The following PTPRD variants were observed in gnomAD, a reference collection of about 807,000 sequenced individuals.
The protein encoded by PTPRD is receptor-type tyrosine-protein phosphatase delta.
A neutral mutation model predicts 214.5 loss-of-function variants in PTPRD; 34 were observed. That is an observed-to-expected ratio of 0.16 (90% CI 0.12 to 0.21). The LOEUF (loss-of-function observed/expected upper bound fraction) is 0.21, where lower values mean the gene tolerates loss of function less well. Ranked by LOEUF, PTPRD falls within the 10% of genes least tolerant of loss-of-function variation. The probability of loss-of-function intolerance (pLI) is 1.00; values close to 1 mark genes in which losing one functional copy is unlikely to be tolerated. For synonymous variants in PTPRD, 1,128 were observed against 845.7 expected (o/e 1.33, Z -5.79); for missense variants, 2,545 against 2,398.7 (o/e 1.06, Z -1.27).
intron 12 of PTPRD, among the ~76,000 whole-genome samples, chr9:8,670,023 T>TA (rs200128078): frequency 0.078 from 11,792 of 151,876 alleles, 560 homozygotes; most frequent in East Asian, 0.18. Flanking sequence ...CTGCCTCTTT[T>TA]TTTTTTTTTA....
intron 8 of PTPRD, among the ~76,000 whole-genome samples, chr9:9,421,716 G>A (rs4358853): frequency 0.81 from 122,432 of 151,990 alleles, 49,445 homozygotes; most frequent in Non-Finnish European, 0.81. Context: ...AAATATTCAT[G>A]CAATACAGTC....
chr9:9,104,637 A>G (rs1488982105), intron 10 of PTPRD, among the ~76,000 whole-genome samples: 1 of 152,216 alleles, frequency 6.6e-6, no homozygotes, highest in East Asian at 1.9e-4. Flanking sequence ...CTCATGAAAC[A>G]GGAGCTTAAA....
chr9:10,545,653 G>C (rs1566857320), intron 2 of PTPRD, among the ~76,000 whole-genome samples: 1 of 152,086 alleles, frequency 6.6e-6, no homozygotes, highest in African/African-American at 2.4e-5. Context: ...GCACAAATTA[G>C]TGTAAAGAAA....
chr9:9,847,121 C>T (rs12339268), intron 5 of PTPRD, among the ~76,000 whole-genome samples: 7 of 151,946 alleles, frequency 4.6e-5, no homozygotes, highest in African/African-American at 9.7e-5. Flanking sequence ...TTAAGTAGAA[C>T]GAATAACTAA....
intron 20 of PTPRD, among the ~76,000 whole-genome samples, chr9:8,520,799 T>C (rs1330928844): frequency 6.6e-6 from 1 of 152,194 alleles, no homozygotes; most frequent in African/African-American, 2.4e-5. Flanking sequence ...TTTTTAATAG[T>C]AGGGCTCACC....
chr9:9,000,190 G>T lies in PTPRD; in HGVS notation c.-104+18507C>A, dbSNP rs183543414. ...TTCCACCATTGGCGCTGCATGTGGA[G>T]CTGCGTTCTGAATCACTCCAGATGC... On this transcript the variant is annotated intron_variant, in intron 11 of 45. Coordinates refer to ENST00000381196, the MANE Select transcript of PTPRD (RefSeq NM_002839.4). Among the ~76,000 whole-genome samples the T allele has an allele frequency of 1.5e-3, 231 of 152,156 alleles. 1 individual carries two copies. The highest frequency in any genetic ancestry group is 5.3e-3 in the African/African-American group (220 of 41,548).
At chr9:9,907,795 C>A (rs890294939) in intron 5 of PTPRD, among the ~76,000 whole-genome samples, 1 of 151,932 alleles carries the variant, frequency 6.6e-6, no homozygotes, top group African/African-American at 2.4e-5. Context: ...TCTTTAAAAT[C>A]AGAACCCTAC....
intron 8 of PTPRD, among the ~76,000 whole-genome samples, chr9:9,410,189 T>C (rs541718185): frequency 2.0e-5 from 3 of 152,248 alleles, no homozygotes; most frequent in African/African-American, 7.2e-5. Context: ...CTGGCACAAA[T>C]CAATACAATG....
At chr9:10,592,950 T>G (rs746757714) in intron 2 of PTPRD, among the ~76,000 whole-genome samples, 6 of 151,994 alleles carry the variant, frequency 3.9e-5, no homozygotes, top group Middle Eastern at 3.4e-3. Context: ...CTTTGTTCTT[T>G]CATGTTCTTT....
At chr9:9,811,994 T>C (rs922612036) in intron 5 of PTPRD, among the ~76,000 whole-genome samples, 1 of 152,130 alleles carries the variant, frequency 6.6e-6, no homozygotes, top group Non-Finnish European at 1.5e-5. Context: ...ACTTCCACCT[T>C]CAGCAATTAC....
intron 11 of PTPRD, among the ~76,000 whole-genome samples, chr9:8,992,471 G>C (rs959046900): frequency 6.6e-5 from 10 of 152,116 alleles, no homozygotes; most frequent in South Asian, 2.1e-4. Context: ...TTGCTCAGAG[G>C]CTCTCACTCT....
At chr9:9,084,915 A>G (rs1182609018) in intron 10 of PTPRD, among the ~76,000 whole-genome samples, 1 of 152,162 alleles carries the variant, frequency 6.6e-6, no homozygotes, top group Non-Finnish European at 1.5e-5. Flanking sequence ...ATGTATTTTT[A>G]AGACTATAAA....
intron 2 of PTPRD, among the ~76,000 whole-genome samples, chr9:10,394,113 GAT>G (rs1185972967): frequency 2.4e-4 from 33 of 140,154 alleles, no homozygotes; most frequent in Non-Finnish European, 4.8e-4. Context: ...TATATATGGA[GAT>G]ATATATACAT....
chr9:8,686,795 G>A (rs994175464), intron 12 of PTPRD, among the ~76,000 whole-genome samples: 1 of 152,166 alleles, frequency 6.6e-6, no homozygotes. Context: ...GCCAAAATAA[G>A]TTTTGACGCA....
chr9:10,098,054 T>C (rs62537265), intron 3 of PTPRD, among the ~76,000 whole-genome samples: 1,865 of 151,848 alleles, frequency 0.012, 19 homozygotes, highest in Non-Finnish European at 0.02. Flanking sequence ...GTATGTTTAT[T>C]GCGGCACTAT....
intron 3 of PTPRD, among the ~76,000 whole-genome samples, chr9:10,228,396 C>T (rs908889210): frequency 6.6e-6 from 1 of 152,010 alleles, no homozygotes; most frequent in African/African-American, 2.4e-5. Context: ...AAACACTTAG[C>T]ATTAGCCAGC....
At chr9:9,939,327 G>A (rs1459146063) in intron 4 of PTPRD, among the ~76,000 whole-genome samples, 2 of 152,110 alleles carry the variant, frequency 1.3e-5, no homozygotes, top group Admixed American at 6.6e-5. Context: ...GCTCCAGTTT[G>A]GTAGACAACT....
At chr9:8,872,394 T>C (rs567658217) in intron 11 of PTPRD, among the ~76,000 whole-genome samples, 2 of 152,350 alleles carry the variant, frequency 1.3e-5, no homozygotes, top group South Asian at 4.1e-4. Context: ...CTCAATGTTG[T>C]TCTCTCACAT....
intron 7 of PTPRD, among the ~76,000 whole-genome samples, chr9:9,701,982 G>A (rs755570805): frequency 6.6e-6 from 1 of 152,064 alleles, no homozygotes; most frequent in African/African-American, 2.4e-5. Context: ...AGCCAGGCAT[G>A]GTGGTGCATG....
Sources: allele counts gnomAD v4.1 joint callset (sites outside exome capture counted in the v4.1 genomes callset), GRCh38; gene constraint gnomAD v4.1.1; transcripts MANE v1.5; gene names NCBI Gene and HGNC (gene_info 2026-07-23, HGNC 2026-07-21).